Variants in MIPEP observed in about 807,000 individuals in gnomAD.
The protein encoded by MIPEP is mitochondrial intermediate peptidase.
A neutral mutation model predicts 90.3 loss-of-function variants in MIPEP; 79 were observed. That is an observed-to-expected ratio of 0.87 (90% CI 0.73 to 1.05). The LOEUF is 1.05. MIPEP is among the 50% of genes least tolerant of loss of function. The probability of loss-of-function intolerance (pLI) is 0.00; values close to 1 mark genes in which losing one functional copy is unlikely to be tolerated. For synonymous variants in MIPEP, 334 were observed against 315.8 expected (o/e 1.06, Z -0.61); for missense variants, 940 against 905.6 (o/e 1.04, Z -0.49).
intron 14 of MIPEP, among the ~76,000 whole-genome samples, chr13:23,828,150 A>T (rs1566008375): frequency 1.3e-5 from 2 of 152,196 alleles, no homozygotes; most frequent in Non-Finnish European, 2.9e-5. Context: ...TTAATGATTT[A>T]AAAAAATAGT....
chr13:23,861,030 G>A (rs1029119744), intron 9 of MIPEP, among the ~76,000 whole-genome samples: 1 of 152,106 alleles, frequency 6.6e-6, no homozygotes, highest in African/African-American at 2.4e-5. Flanking sequence ...CTGAGGTGGG[G>A]CTCAAGAATT....
At position 23,855,762 on chromosome 13, in the gene MIPEP, T is replaced by C. The variant is rs549843238; in HGVS notation, c.1106+3098A>G. 3.3e-5 allele frequency among the ~76,000 whole-genome samples: 5 copies of C among 152,370 alleles called. No homozygotes were observed. In the South Asian group the frequency reaches 1.0e-3, roughly 32 times the overall value. On this transcript the variant is annotated intron_variant, in intron 10 of 18. Coordinates refer to ENST00000382172, the MANE Select transcript of MIPEP (RefSeq NM_005932.4). ...CCTTCTGATGCATTTCTGCATCCCT[T>C]TTCCTGGTTCTTTTACTGAGTTAAT...
At chr13:23,763,223 T>C (rs540735329) in intron 16 of MIPEP, among the ~76,000 whole-genome samples, 52 of 152,342 alleles carry the variant, frequency 3.4e-4, no homozygotes, top group African/African-American at 1.2e-3. Context: ...TACTAAATGA[T>C]GAGAACTCAT....
At chr13:23,832,195 A>G (rs974998746) in intron 14 of MIPEP, among the ~76,000 whole-genome samples, 2 of 152,138 alleles carry the variant, frequency 1.3e-5, no homozygotes, top group Non-Finnish European at 2.9e-5. Context: ...TGCTGGCTTT[A>G]TAAGAAGAGG....
At chr13:23,798,696 G>A (rs187918328) in intron 16 of MIPEP, among the ~76,000 whole-genome samples, 42 of 152,172 alleles carry the variant, frequency 2.8e-4, no homozygotes, top group East Asian at 2.7e-3. Flanking sequence ...TTGTAAGATC[G>A]GGTTGTTTAA....
chr13:23,819,731 G>A (rs995240919), intron 14 of MIPEP, among the ~76,000 whole-genome samples: 8 of 151,940 alleles, frequency 5.3e-5, no homozygotes, highest in South Asian at 2.1e-4. Flanking sequence ...AAAAAAAGCC[G>A]GACACGGTGG....
At chr13:23,825,578 C>T (rs1868412118) in intron 14 of MIPEP, among the ~76,000 whole-genome samples, 2 of 152,052 alleles carry the variant, frequency 1.3e-5, no homozygotes, top group Non-Finnish European at 1.5e-5. Context: ...GAAGTTTAGG[C>T]GATACATATT....
intron 16 of MIPEP, among the ~76,000 whole-genome samples, chr13:23,764,360 TTTG>T (rs1407082924): frequency 2.6e-5 from 4 of 152,204 alleles, no homozygotes; most frequent in African/African-American, 9.7e-5. Context: ...TGGAAGGCTC[TTTG>T]ATCATTTTTA....
rs188116842 is a variant in MIPEP at position 23,735,802 on chromosome 13, C to A, written c.2045-5357G>T. 3.1e-3 allele frequency among the ~76,000 whole-genome samples: 465 copies of A among 152,194 alleles called. 4 individuals are homozygous for A. Among genetic ancestry groups the A allele is most frequent in the Non-Finnish European group, 4.2e-3 (288 of 68,018 alleles). On this transcript the variant is annotated intron_variant, in intron 18 of 18. Coordinates refer to ENST00000382172, the MANE Select transcript of MIPEP (RefSeq NM_005932.4). ...CTGGAAGGATAATGAAGAATAGTTA[C>A]TGGGGAAGAATCCTGGGCACACTGT...
intron 10 of MIPEP, among the ~76,000 whole-genome samples, chr13:23,841,973 A>G (rs1483978823): frequency 2.0e-5 from 3 of 152,228 alleles, no homozygotes; most frequent in Non-Finnish European, 4.4e-5. Context: ...CATTTATGAA[A>G]AAAATGCCTG....
At chr13:23,828,690 T>C (rs925524492) in intron 14 of MIPEP, among the ~76,000 whole-genome samples, 9 of 152,186 alleles carry the variant, frequency 5.9e-5, no homozygotes, top group Non-Finnish European at 1.3e-4. Context: ...AGATATGCCA[T>C]ATTCATGGAT....
At chr13:23,853,643 C>T (rs2137485896) in intron 10 of MIPEP, among the ~76,000 whole-genome samples, 2 of 152,172 alleles carry the variant, frequency 1.3e-5, no homozygotes, top group Middle Eastern at 6.8e-3. Context: ...TTACTGCAAC[C>T]TCCACCTCCC....
At chr13:23,862,740 T>A (rs1346627174) in intron 8 of MIPEP, among the ~76,000 whole-genome samples, 1 of 152,232 alleles carries the variant, frequency 6.6e-6, no homozygotes, top group African/African-American at 2.4e-5. Flanking sequence ...TATCATTGGC[T>A]ACATTTAAGA....
intron 18 of MIPEP, among the ~76,000 whole-genome samples, chr13:23,753,997 G>A (rs546376132): frequency 2.6e-5 from 4 of 152,234 alleles, no homozygotes; most frequent in Non-Finnish European, 4.4e-5. Flanking sequence ...GAAGGCAGGT[G>A]TTCTATTTCT....
chr13:23,779,516 A>G (rs1287813922), intron 16 of MIPEP, among the ~76,000 whole-genome samples: 3 of 152,166 alleles, frequency 2.0e-5, no homozygotes, highest in Non-Finnish European at 4.4e-5. Context: ...TCCAGTCTAC[A>G]GCTCCCAGCG....
At chr13:23,795,001 T>A (rs1009338187) in intron 16 of MIPEP, among the ~76,000 whole-genome samples, 1 of 152,194 alleles carries the variant, frequency 6.6e-6, no homozygotes, top group Non-Finnish European at 1.5e-5. Context: ...CACTTAGGTG[T>A]TTCTAGATAT....
intron 16 of MIPEP, among the ~76,000 whole-genome samples, chr13:23,784,813 C>T (rs1348393664): frequency 1.3e-5 from 2 of 152,100 alleles, no homozygotes; most frequent in Non-Finnish European, 2.9e-5. Flanking sequence ...ACAACCCCAT[C>T]AAAAAGTGGG....
chr13:23,793,929 A>G (rs1453635221), intron 16 of MIPEP, among the ~76,000 whole-genome samples: 1 of 151,846 alleles, frequency 6.6e-6, no homozygotes, highest in Non-Finnish European at 1.5e-5. Context: ...TGGGCAAAGG[A>G]CTCTGGCCTT....
At chr13:23,774,793 T>C (rs1344241518) in intron 16 of MIPEP, among the ~76,000 whole-genome samples, 1 of 136,906 alleles carries the variant, frequency 7.3e-6, no homozygotes, top group African/African-American at 2.8e-5. Flanking sequence ...TCTTTTTTTT[T>C]TTTTTTTTTT....
Sources: gnomAD v4.1 joint callset for allele counts (sites outside exome capture counted in the v4.1 genomes callset) on GRCh38, gnomAD v4.1.1 for gene constraint, MANE v1.5 for transcripts, NCBI Gene and HGNC (gene_info 2026-07-23, HGNC 2026-07-21) for gene names.